The following PTPRO variants were observed in gnomAD, a reference collection of about 807,000 sequenced individuals.
PTPRO encodes the protein receptor-type tyrosine-protein phosphatase O.
A neutral mutation model predicts 145.2 loss-of-function variants in PTPRO; 62 were observed. The observed-to-expected ratio is 0.43, with a 90% confidence interval of 0.35 to 0.53. The LOEUF (loss-of-function observed/expected upper bound fraction) is 0.53, where lower values mean the gene tolerates loss of function less well. Ranked by LOEUF, PTPRO falls within the 20% of genes least tolerant of loss-of-function variation. The pLI is 0.01. For synonymous variants in PTPRO, 565 were observed against 514.7 expected (o/e 1.10, Z -1.32); for missense variants, 1,345 against 1,482.7 (o/e 0.91, Z 1.53).
At chr12:15,459,242 C>G (rs1207803829) in intron 1 of PTPRO, among the ~76,000 whole-genome samples, 2 of 152,138 alleles carry the variant, frequency 1.3e-5, no homozygotes, top group African/African-American at 2.4e-5. Context: ...CTGTGCTGAG[C>G]AAGACCCTCC....
At chr12:15,374,072 A>G (rs1938610391) in intron 1 of PTPRO, among the ~76,000 whole-genome samples, 1 of 152,206 alleles carries the variant, frequency 6.6e-6, no homozygotes. Context: ...TAGTACAGAC[A>G]TTTGCTAACA....
rs192320680 is a variant in PTPRO at position 15,541,986 on chromosome 12, G to T, written c.2165-4583G>T. On this transcript the variant is annotated intron_variant, in intron 12 of 26. Transcript: ENST00000281171. ...AGATCATGCCACTGCACTCCAGCCT[G>T]GGTGACAGAGCAAGACTCCACCTCA... is the stretch of plus-strand genomic sequence containing the variant. Among the ~76,000 whole-genome samples, 34 of 152,106 alleles carry T rather than the reference G, an allele frequency of 2.2e-4. No individual in the cohort carries two copies. The East Asian group carries it at 6.0e-3, about 27-fold the overall frequency.
intron 1 of PTPRO, among the ~76,000 whole-genome samples, chr12:15,469,768 C>CCAAAAAA (rs763723552): frequency 9.1e-6 from 1 of 110,404 alleles, no homozygotes. Flanking sequence ...AGTGTCCTGA[C>CCAAAAAA]AAAAAAAAAA....
intron 1 of PTPRO, among the ~76,000 whole-genome samples, chr12:15,455,437 GAAGT>G (rs1035245825): frequency 6.6e-6 from 1 of 152,058 alleles, no homozygotes; most frequent in Admixed American, 6.6e-5. Flanking sequence ...TGCACAATAA[GAAGT>G]AAGGACATTT....
intron 1 of PTPRO, among the ~76,000 whole-genome samples, chr12:15,427,678 T>TATA (rs2136335789): frequency 6.6e-6 from 1 of 152,046 alleles, no homozygotes; most frequent in South Asian, 2.1e-4. Context: ...ACCTTACATG[T>TATA]ATAAATTTAT....
intron 1 of PTPRO, among the ~76,000 whole-genome samples, chr12:15,480,381 T>C (rs1440001984): frequency 6.6e-6 from 1 of 152,210 alleles, no homozygotes; most frequent in Non-Finnish European, 1.5e-5. Context: ...TGTTTCAGGA[T>C]TAAACTAATA....
intron 12 of PTPRO, among the ~76,000 whole-genome samples, chr12:15,542,638 G>A (rs1254311301): frequency 6.6e-6 from 1 of 152,096 alleles, no homozygotes; most frequent in Non-Finnish European, 1.5e-5. Flanking sequence ...TTTTCTAGTA[G>A]CCACATTAAA....
intron 9 of PTPRO, among the ~76,000 whole-genome samples, chr12:15,519,193 G>A (rs893699927): frequency 4.6e-5 from 7 of 152,166 alleles, no homozygotes; most frequent in African/African-American, 1.7e-4. Context: ...GAGAGCTTGT[G>A]CAGGAAAACT....
At chr12:15,452,496 A>C (rs1390880679) in intron 1 of PTPRO, among the ~76,000 whole-genome samples, 1 of 152,198 alleles carries the variant, frequency 6.6e-6, no homozygotes, top group Non-Finnish European at 1.5e-5. Context: ...TCATTCTATG[A>C]AGCCAGCATC....
chr12:15,480,517 A>G (rs562635418), intron 1 of PTPRO, among the ~76,000 whole-genome samples: 17 of 152,214 alleles, frequency 1.1e-4, no homozygotes, highest in South Asian at 8.3e-4. Flanking sequence ...TGACCTCCCC[A>G]TGCATGGCTC....
intron 18 of PTPRO, among the ~76,000 whole-genome samples, chr12:15,565,988 G>T (rs985966759): frequency 6.6e-6 from 1 of 152,072 alleles, no homozygotes; most frequent in African/African-American, 2.4e-5. Flanking sequence ...TTAGTATTTT[G>T]AAATTCTGTG....
intron 1 of PTPRO, among the ~76,000 whole-genome samples, chr12:15,393,481 C>T (rs1001672776): frequency 6.6e-6 from 1 of 152,178 alleles, no homozygotes; most frequent in African/African-American, 2.4e-5. Context: ...TCGATAATAT[C>T]CAGCTCAGTC....
chr12:15,343,719 A>G (rs564818109), intron 1 of PTPRO, among the ~76,000 whole-genome samples: 96 of 152,270 alleles, frequency 6.3e-4, no homozygotes, highest in African/African-American at 1.6e-3. Context: ...TTTGAGACAG[A>G]GTCTGGAGTC....
At chr12:15,458,403 A>C (rs1941227508) in intron 1 of PTPRO, among the ~76,000 whole-genome samples, 1 of 152,072 alleles carries the variant, frequency 6.6e-6, no homozygotes, top group Non-Finnish European at 1.5e-5. Flanking sequence ...GGTAATTTCC[A>C]ACCATTATTT....
chr12:15,502,174 G>C, intron 5 of PTPRO, 111 bp downstream of exon 5: 2 of 1,098,076 alleles, frequency 1.8e-6, no homozygotes, highest in Non-Finnish European at 2.7e-6. Flanking sequence ...ATTAGTCAAA[G>C]AATAATGGTA....
chr12:15,505,823 A>G (rs1350877128), intron 6 of PTPRO, among the ~76,000 whole-genome samples: 1 of 152,220 alleles, frequency 6.6e-6, no homozygotes, highest in Non-Finnish European at 1.5e-5. Flanking sequence ...GAGCTGTTAC[A>G]TTACAATTTA....
intron 16 of PTPRO, among the ~76,000 whole-genome samples, chr12:15,558,182 C>G (rs1943686906): frequency 6.6e-6 from 1 of 152,126 alleles, no homozygotes; most frequent in Non-Finnish European, 1.5e-5. Context: ...GATCCTCCCA[C>G]CTCGGCCTCC....
At chr12:15,422,170 AAT>A (rs761377447) in intron 1 of PTPRO, among the ~76,000 whole-genome samples, 1 of 152,122 alleles carries the variant, frequency 6.6e-6, no homozygotes, top group Non-Finnish European at 1.5e-5. Flanking sequence ...TAAGATTTAC[AAT>A]TTTTTGACTG....
chr12:15,360,597 ATC>A (rs1481035646), intron 1 of PTPRO, among the ~76,000 whole-genome samples: 1 of 151,486 alleles, frequency 6.6e-6, no homozygotes, highest in African/African-American at 2.4e-5. Context: ...TTGATTTAGT[ATC>A]TCTCTTTCTC....
Sources: allele counts gnomAD v4.1 joint callset (sites outside exome capture counted in the v4.1 genomes callset), GRCh38; gene constraint gnomAD v4.1.1; transcripts MANE v1.5; gene names NCBI Gene and HGNC (gene_info 2026-07-23, HGNC 2026-07-21).